The following OSBPL1A variants were observed in gnomAD, a reference collection of about 807,000 sequenced individuals.
OSBPL1A encodes oxysterol binding protein like 1A.
A neutral mutation model predicts 137.1 loss-of-function variants in OSBPL1A; 80 were observed. The ratio of observed to expected loss-of-function variants is 0.58; its 90% CI spans 0.49 to 0.70. The LOEUF is 0.70. OSBPL1A is among the 30% of genes least tolerant of loss of function. The pLI is 0.00. For synonymous variants in OSBPL1A, 365 were observed against 389.7 expected (o/e 0.94, Z 0.75); for missense variants, 970 against 1,129.4 (o/e 0.86, Z 2.02).
intron 14 of OSBPL1A, among the ~76,000 whole-genome samples, chr18:24,299,925 T>C (rs1367727784): frequency 6.6e-6 from 1 of 152,206 alleles, no homozygotes; most frequent in Non-Finnish European, 1.5e-5. Context: ...TGAGTTACTG[T>C]GATCAAATAT....
At chr18:24,272,001 C>T in intron 15 of OSBPL1A, 1 of 981,512 alleles carries the variant, frequency 1.0e-6, no homozygotes, top group Non-Finnish European at 1.2e-6. Flanking sequence ...GCGGCAAGGC[C>T]TGCGGCGGGC....
At chr18:24,218,998 T>C (rs17797801) in intron 17 of OSBPL1A, among the ~76,000 whole-genome samples, 20,550 of 152,078 alleles carry the variant, frequency 0.14, 1,686 homozygotes, top group Middle Eastern at 0.27. Context: ...TTGGATTTGC[T>C]TTAAAAATAG....
Position 24,377,402 on chromosome 18 carries a change from T to G in OSBPL1A, c.121+11A>C. 1 of 1,599,786 alleles carries G rather than the reference T, an allele frequency of 6.3e-7. No individual in the cohort carries two copies. Among genetic ancestry groups the G allele is most frequent in the Non-Finnish European group, 8.5e-7 (1 of 1,175,970 alleles). Reference sequence around the variant, plus strand: ...CATAAGAGAAAGCTACAAAATCCATTCAAAGTTTACCTTTGCAATTAATGT... The same window carrying G: ...CATAAGAGAAAGCTACAAAATCCATGCAAAGTTTACCTTTGCAATTAATGT... On this transcript the variant is annotated intron_variant, in intron 2 of 27. Coordinates refer to ENST00000319481, the MANE Select transcript of OSBPL1A (RefSeq NM_080597.4).
At chr18:24,226,833 A>C (rs923164406) in intron 16 of OSBPL1A, among the ~76,000 whole-genome samples, 4 of 152,092 alleles carry the variant, frequency 2.6e-5, no homozygotes, top group African/African-American at 9.7e-5. Context: ...AACTTTAGTA[A>C]AATTTCTGAA....
chr18:24,394,539 A>G (rs1460289580), intron 1 of OSBPL1A, among the ~76,000 whole-genome samples: 2 of 152,190 alleles, frequency 1.3e-5, no homozygotes, highest in African/African-American at 4.8e-5. Flanking sequence ...GAACCCTACA[A>G]ATTTAACAAA....
chr18:24,383,709 G>A (rs138422569), intron 1 of OSBPL1A, among the ~76,000 whole-genome samples: 97 of 152,306 alleles, frequency 6.4e-4, no homozygotes, highest in African/African-American at 2.1e-3. Flanking sequence ...AGCTGAGATC[G>A]TGCCACTGCA....
chr18:24,386,531 A>C (rs144854893), intron 1 of OSBPL1A, among the ~76,000 whole-genome samples: 25 of 152,370 alleles, frequency 1.6e-4, no homozygotes, highest in African/African-American at 5.8e-4. Flanking sequence ...CAATACCTAG[A>C]GGATAAATTC....
intron 12 of OSBPL1A, 56 bp from the exon 13 acceptor site, chr18:24,312,162 T>G: frequency 6.3e-7 from 1 of 1,599,416 alleles, no homozygotes; most frequent in Non-Finnish European, 8.5e-7. Context: ...TCCAAAGAGA[T>G]AATATTACAA....
At chr18:24,391,560 C>CAAA (rs202011253) in intron 1 of OSBPL1A, among the ~76,000 whole-genome samples, 2 of 123,420 alleles carry the variant, frequency 1.6e-5, no homozygotes, top group African/African-American at 3.1e-5. Flanking sequence ...CCAGTCTCTA[C>CAAA]AAAAAAAAAA....
chr18:24,168,190 T>A (rs1488863274), intron 24 of OSBPL1A, among the ~76,000 whole-genome samples: 1 of 152,178 alleles, frequency 6.6e-6, no homozygotes, highest in East Asian at 1.9e-4. Flanking sequence ...AACCTCAAAC[T>A]CCTGGGTTCA....
intron 1 of OSBPL1A, among the ~76,000 whole-genome samples, chr18:24,379,346 C>A (rs1054868888): frequency 3.3e-5 from 5 of 151,948 alleles, no homozygotes; most frequent in Admixed American, 2.0e-4. Context: ...ATGGTGAAAC[C>A]CCAACTCTAC....
At position 24,271,818 on chromosome 18, in the gene OSBPL1A, G is replaced by A; in HGVS notation, c.1281+9024C>T. 1 of 985,370 alleles carries A rather than the reference G, an allele frequency of 1.0e-6. No homozygotes were observed. The highest frequency in any genetic ancestry group is 1.2e-6 in the Non-Finnish European group (1 of 829,958). The allele number at this position is 985,370 out of a possible 1,614,324, so 61.0% of individuals were successfully genotyped here. ...CGCAGCCTGCCCCTGGCTCCGGCCG[G>A]GCAGCAGCGCCAGCCTTCCCCAGCG... On this transcript the variant is annotated intron_variant, in intron 15 of 27. Transcript: ENST00000319481. This position sits in a 1 kb window ranked among gnomAD's most constrained non-coding sequence, Gnocchi z 4.0.
intron 18 of OSBPL1A, among the ~76,000 whole-genome samples, chr18:24,189,168 A>C (rs1466280347): frequency 6.6e-6 from 1 of 152,254 alleles, no homozygotes; most frequent in Non-Finnish European, 1.5e-5. Context: ...TCATTGGCTG[A>C]CAAACTGAGA....
chr18:24,337,958 AAC>A (rs1279970490), intron 5 of OSBPL1A, among the ~76,000 whole-genome samples: 1 of 152,118 alleles, frequency 6.6e-6, no homozygotes, highest in Admixed American at 6.6e-5. Flanking sequence ...TAAAATATGT[AAC>A]AGTCTCAACC....
chr18:24,390,694 C>CAAAAAAAAAAAAAA (rs751432894), intron 1 of OSBPL1A, among the ~76,000 whole-genome samples: 10 of 56,200 alleles, frequency 1.8e-4, no homozygotes, highest in East Asian at 4.3e-4. Flanking sequence ...GACTCCGTCT[C>CAAAAAAAAAAAAAA]AAAAAAAAAA....
intron 1 of OSBPL1A, among the ~76,000 whole-genome samples, chr18:24,397,282 A>C (rs777895649): frequency 6.6e-6 from 1 of 152,220 alleles, no homozygotes; most frequent in Non-Finnish European, 1.5e-5. Context: ...TCCTCTTGTT[A>C]GGAGGAAATT....
At chr18:24,283,082 T>C (rs2089992115) in intron 14 of OSBPL1A, among the ~76,000 whole-genome samples, 1 of 151,198 alleles carries the variant, frequency 6.6e-6, no homozygotes, top group Admixed American at 6.6e-5. Context: ...ATGGCCAACA[T>C]GGTGAAACCC....
chr18:24,264,789 G>A (rs756921786), intron 15 of OSBPL1A, among the ~76,000 whole-genome samples: 2 of 152,190 alleles, frequency 1.3e-5, no homozygotes, highest in African/African-American at 2.4e-5. Flanking sequence ...AAGTCTAGGC[G>A]TGTATGATAT....
At chr18:24,197,515 A>G (rs1342288520) in intron 17 of OSBPL1A, among the ~76,000 whole-genome samples, 1 of 152,220 alleles carries the variant, frequency 6.6e-6, no homozygotes, top group Non-Finnish European at 1.5e-5. Context: ...TTAAGTCAAT[A>G]ATCCATGGTG....
Sources: allele counts gnomAD v4.1 joint callset (sites outside exome capture counted in the v4.1 genomes callset), GRCh38; gene constraint gnomAD v4.1.1; non-coding constraint Gnocchi (gnomAD v3.1); transcripts MANE v1.5; gene names NCBI Gene and HGNC (gene_info 2026-07-23, HGNC 2026-07-21).